The following LRRK1 variants were observed in gnomAD, a reference collection of about 807,000 sequenced individuals.
LRRK1 encodes leucine-rich repeat serine/threonine-protein kinase 1.
A neutral mutation model predicts 209.1 loss-of-function variants in LRRK1; 113 were observed. That is an observed-to-expected ratio of 0.54 (90% CI 0.46 to 0.63). The LOEUF is 0.63. LRRK1 is among the 30% of genes least tolerant of loss of function. The pLI is 0.00. For synonymous variants in LRRK1, 1,144 were observed against 1,099.7 expected, an observed-to-expected ratio of 1.04 and a Z score of -0.80; for missense variants, 2,284 against 2,632.2, an observed-to-expected ratio of 0.87 and a Z score of 2.89.
At chr15:100,983,791 A>C in intron 4 of LRRK1, 92 bp downstream of exon 4, 2 of 1,264,688 alleles carry the variant, frequency 1.6e-6, no homozygotes, top group South Asian at 2.4e-5. Context: ...TGCTTTCACC[A>C]ATAATGAGAT....
intron 6 of LRRK1, among the ~76,000 whole-genome samples, chr15:100,999,271 C>CT (rs2032576787): frequency 6.6e-6 from 1 of 152,126 alleles, no homozygotes; most frequent in Admixed American, 6.5e-5. Context: ...TACAATGTTG[C>CT]TTTTTGTTTT....
At chr15:100,920,277 G>A (rs2141586171) in intron 1 of LRRK1, 1 of 152,346 alleles carries the variant, frequency 6.6e-6, no homozygotes, top group African/African-American at 2.4e-5. Flanking sequence ...GGGGCATATA[G>A]CTTTCAGCAA....
rs967632485 is a variant in LRRK1 at position 101,074,875 on chromosome 15, T to C, written c.*6027T>C. 27 of 151,966 alleles carry C rather than the reference T, an allele frequency of 1.8e-4. No homozygotes were observed. Among genetic ancestry groups the C allele is most frequent in the African/African-American group, 6.5e-4 (27 of 41,376 alleles). 9.4% of individuals were successfully genotyped at this position (151,966 alleles called of 1,614,324 possible). A position where few individuals can be genotyped will look rare whatever the true frequency, so the allele number is the denominator to read the frequency against. On this transcript the variant is annotated 3_prime_UTR_variant, in exon 34 of 34. Coordinates refer to ENST00000388948, the MANE Select transcript of LRRK1 (RefSeq NM_024652.6). ...GCAGCCCAGGATTCCTCCTAAGCCG[T>C]GTCCCATCTGTGCGGGACCCCACTG...
In LRRK1 at chr15:101,044,548, T is replaced by C. The variant is rs142541773; in HGVS notation, c.2964-1433T>C. ...CACTACCTGGAGACCACTGCTTCCCTTGAGAACTGGCTTCTGTGGCCACTC... is the reference window on the plus strand; with the variant it reads ...CACTACCTGGAGACCACTGCTTCCCCTGAGAACTGGCTTCTGTGGCCACTC... On this transcript the variant is annotated intron_variant, in intron 20 of 33. Transcript: ENST00000388948. Among the ~76,000 whole-genome samples, 611 of 152,370 alleles carry C rather than the reference T, an allele frequency of 4.0e-3. 7 individuals carry two copies. Among genetic ancestry groups the C allele is most frequent in the African/African-American group, 0.014 (583 of 41,590 alleles).
chr15:101,054,814 TAAAAGAA>T (rs1476353608), intron 26 of LRRK1, 125 bp from the exon 27 acceptor site: 1 of 833,782 alleles, frequency 1.2e-6, no homozygotes, highest in Non-Finnish European at 1.8e-6. Flanking sequence ...TCTGTCTCAA[TAAAAGAA>T]AAAAGAAAAA....
chr15:100,984,953 GCC>G (rs2031791490), intron 4 of LRRK1, among the ~76,000 whole-genome samples: 1 of 152,136 alleles, frequency 6.6e-6, no homozygotes, highest in Non-Finnish European at 1.5e-5. Context: ...ACCTAGAAGG[GCC>G]CACGTTACGT....
chr15:100,924,725 T>C lies in LRRK1; in HGVS notation c.93T>C (p.Leu31=), dbSNP rs950834137. Reference sequence around the variant, plus strand: ...GTCCAGAACGTGCCATGGAGACGCTTAACGGTAAGGACAGGGCTGTGCTTA... The same window carrying C: ...GTCCAGAACGTGCCATGGAGACGCTCAACGGTAAGGACAGGGCTGTGCTTA... ...AVCPERAMET[L]NGAGDTGGKP... Residue 31 remains leucine, a synonymous_variant, in exon 2 of 34, where the codon CTT becomes CTC. Transcript: ENST00000388948. 6.2e-7 allele frequency: 1 copy of C among 1,613,282 alleles called. No homozygotes were observed. Among genetic ancestry groups the C allele is most frequent in the Admixed American group, 1.7e-5 (1 of 60,002 alleles).
In LRRK1 at chr15:100,956,455, C is replaced by CTTTTTCTTTTCTTTTTTT; in HGVS notation, c.98-17344_98-17343insCTTTTCTTTTTTTTTTTT. On this transcript the variant is annotated intron_variant, in intron 2 of 33. Transcript: ENST00000388948. The stretch of plus-strand genomic sequence containing the variant: ...TTCGCTTTTCTTTCCTTTTTTTTTT[C>CTTTTTCTTTTCTTTTTTT]TTTTTTTTTTTTTTTTTTGAGACAG... 5.0e-3 allele frequency among the ~76,000 whole-genome samples: 300 copies of CTTTTTCTTTTCTTTTTTT among 60,498 alleles called. 44 individuals carry two copies. The highest frequency in any genetic ancestry group is 0.017 in the African/African-American group (202 of 11,704). 39.7% of individuals were successfully genotyped at this position (60,498 alleles called of 152,430 possible).
intron 3 of LRRK1, 150 bp downstream of exon 3, chr15:100,974,117 C>A: frequency 1.6e-6 from 1 of 622,052 alleles, no homozygotes; most frequent in Non-Finnish European, 2.3e-6. Flanking sequence ...AACTTGTGGG[C>A]GCCTTTCCTT....
chr15:100,970,927 T>A (rs1183661035), intron 2 of LRRK1, among the ~76,000 whole-genome samples: 1 of 152,244 alleles, frequency 6.6e-6, no homozygotes, highest in East Asian at 1.9e-4. Flanking sequence ...AAGAATGTAA[T>A]TTTATACTAT....
rs2036996249 is a variant in LRRK1, at chr15:101,076,639, C to T, written c.*7791C>T. 6.6e-6 allele frequency: 1 copy of T among 152,302 alleles called. No individual in the cohort carries two copies. Among genetic ancestry groups the T allele is most frequent in the Non-Finnish European group, 1.5e-5 (1 of 68,158 alleles). 9.4% of individuals were successfully genotyped at this position (152,302 alleles called of 1,614,324 possible). On this transcript the variant is annotated 3_prime_UTR_variant, in exon 34 of 34. Coordinates refer to ENST00000388948, the MANE Select transcript of LRRK1 (RefSeq NM_024652.6). ...CTCATTTCCTTTCCATCGTGGAAAT[C>T]TATCCTCAAGGAAATAACTTCTCAG...
chr15:101,030,107 A>G (rs2034216545), intron 20 of LRRK1, among the ~76,000 whole-genome samples: 1 of 152,028 alleles, frequency 6.6e-6, no homozygotes, highest in African/African-American at 2.4e-5. Context: ...ACTGCAAACA[A>G]AACAAATGAG....
chr15:101,002,032 T>A (rs2032719587), intron 6 of LRRK1, among the ~76,000 whole-genome samples: 2 of 152,242 alleles, frequency 1.3e-5, no homozygotes, highest in Admixed American at 1.3e-4. Context: ...TGCCCTGGGC[T>A]GGGGTGCCAG....
Position 100,937,508 on chromosome 15 carries a change from A to C in LRRK1, c.97+12779A>C, listed in dbSNP as rs537302623. Reference sequence around the variant, plus strand: ...TTTTGTCTTAGATTTCTTTTTTTAAAATGTTTATTTATTTATTTATTATTT... The same window carrying C: ...TTTTGTCTTAGATTTCTTTTTTTAACATGTTTATTTATTTATTTATTATTT... On this transcript the variant is annotated intron_variant, in intron 2 of 33. Coordinates refer to ENST00000388948, the MANE Select transcript of LRRK1 (RefSeq NM_024652.6). Among the ~76,000 whole-genome samples the C allele has an allele frequency of 1.0e-4, 15 of 150,308 alleles. No homozygotes were observed. In the East Asian group the frequency reaches 2.5e-3, roughly 25 times the overall value.
intron 6 of LRRK1, among the ~76,000 whole-genome samples, chr15:101,006,605 G>A (rs1348570125): frequency 6.7e-6 from 1 of 148,980 alleles, no homozygotes; most frequent in Non-Finnish European, 1.5e-5. Flanking sequence ...TACACTTACT[G>A]AAAATGATAA....
In LRRK1 at chr15:101,064,718, G is replaced by GAATT. The variant is rs1221538650; in HGVS notation, c.4915-632_4915-629dup. ...GTTGAGTAGGAAGCGATTTCTTCCA[G>GAATT]AATTAGTTCAGCAAACACATGTCAT... On this transcript the variant is annotated intron_variant, in intron 31 of 33. Coordinates refer to ENST00000388948, the MANE Select transcript of LRRK1 (RefSeq NM_024652.6). 26 of 153,878 alleles carry GAATT rather than the reference G, an allele frequency of 1.7e-4. 1 individual carries two copies. The highest frequency in any genetic ancestry group is 5.8e-4 in the African/African-American group (24 of 41,578). The allele number at this position is 153,878 out of a possible 1,614,324, so 9.5% of individuals were successfully genotyped here. A position where few individuals can be genotyped will look rare whatever the true frequency, so the allele number is the denominator to read the frequency against.
rs144384161 is a variant in LRRK1, at chr15:100,967,811, G to A, written c.98-5993G>A. Among the ~76,000 whole-genome samples, 458 of 152,240 alleles carry A rather than the reference G, an allele frequency of 3.0e-3. 1 individual carries two copies. Among genetic ancestry groups the A allele is most frequent in the Non-Finnish European group, 5.0e-3 (338 of 68,020 alleles). On this transcript the variant is annotated intron_variant, in intron 2 of 33. Coordinates refer to ENST00000388948, the MANE Select transcript of LRRK1 (RefSeq NM_024652.6). ...CCACTCATTTTTAATGCATTTCAAA[G>A]CATATTGCAAACATCTGTACACTTC... is the stretch of plus-strand genomic sequence containing the variant.
In LRRK1 at chr15:100,983,640, T is replaced by C; in HGVS notation, c.374T>C (p.Val125Ala). The change falls in exon 4 of 34, where the codon GTG (valine) becomes GCG (alanine). Residue 125 changes from valine (V) to alanine (A), a missense_variant. Val to Ala is a moderately conservative substitution (Grantham distance 64). Around this residue, in one of 6 missense-constraint regions of LRRK1, gnomAD observed 134 missense variants for 191.7 expected, o/e 0.70. Transcript: ENST00000388948. Reference protein sequence around the residue: ...PTEPTDDNPAVVAAYFGHTAV... With the variant: ...PTEPTDDNPAAVAAYFGHTAV... ...GAGCCCACGGATGACAACCCAGCCGTGGTGGCAGCGTATTTTGGACACACG... is the reference window on the plus strand; with the variant it reads ...GAGCCCACGGATGACAACCCAGCCGCGGTGGCAGCGTATTTTGGACACACG... 1.9e-6 allele frequency: 3 copies of C among 1,608,744 alleles called. No homozygotes were observed. Among genetic ancestry groups the C allele is most frequent in the Non-Finnish European group, 2.6e-6 (3 of 1,176,280 alleles).
At chr15:100,979,863 T>A (rs564573666) in intron 3 of LRRK1, among the ~76,000 whole-genome samples, 25 of 152,174 alleles carry the variant, frequency 1.6e-4, no homozygotes, top group Non-Finnish European at 2.6e-4. Context: ...AAATGAAAAT[T>A]AGAGCAATGA....
Sources: gnomAD v4.1 joint callset for allele counts (sites outside exome capture counted in the v4.1 genomes callset) on GRCh38, gnomAD v4.1.1 for gene constraint, gnomAD v4.1.1 regional missense constraint, MANE v1.5 for transcripts, NCBI Gene and HGNC (gene_info 2026-07-23, HGNC 2026-07-21) for gene names.